Variants in SLC6A6 observed in about 807,000 individuals in gnomAD.
The protein encoded by SLC6A6 is solute carrier family 6 member 6, also known as sodium- and chloride-dependent taurine transporter.
A neutral mutation model predicts 68.8 loss-of-function variants in SLC6A6; 16 were observed. The ratio of observed to expected loss-of-function variants is 0.23; its 90% CI spans 0.16 to 0.35. The LOEUF (loss-of-function observed/expected upper bound fraction) is 0.35, where lower values mean the gene tolerates loss of function less well. Among genes scored for constraint, SLC6A6 ranks in the 10% least tolerant of loss-of-function variants. The pLI is 1.00. For missense variants in SLC6A6, 474 were observed against 802.8 expected, an observed-to-expected ratio of 0.59 and a Z score of 4.95; for synonymous variants, 312 against 315.4, an observed-to-expected ratio of 0.99 and a Z score of 0.12.
chr3:14,479,746 G>A (rs528801803), intron 13 of SLC6A6, among the ~76,000 whole-genome samples: 27 of 152,310 alleles, frequency 1.8e-4, no homozygotes, highest in South Asian at 1.5e-3. Context: ...TTCTTCCCAC[G>A]AGGATGCTCT....
chr3:14,421,108 T>C (rs1699476319), intron 2 of SLC6A6, among the ~76,000 whole-genome samples: 1 of 152,216 alleles, frequency 6.6e-6, no homozygotes, highest in African/African-American at 2.4e-5. Context: ...GGCATGGAGA[T>C]GGAGGGGTGG....
chr3:14,409,663 A>G lies in SLC6A6; in HGVS notation c.-53-6749A>G, dbSNP rs890110331. On this transcript the variant is annotated intron_variant, in intron 1 of 14. Transcript: ENST00000622186. Reference sequence around the variant, plus strand: ...GCTCAAGGAGGGAGGGGAGATCCCTATCAGGAGGAGGTTAGTGAACAGTCT... The same window carrying G: ...GCTCAAGGAGGGAGGGGAGATCCCTGTCAGGAGGAGGTTAGTGAACAGTCT... 3.3e-5 allele frequency among the ~76,000 whole-genome samples: 5 copies of G among 152,202 alleles called. No individual in the cohort carries two copies. In the East Asian group the frequency reaches 5.8e-4, roughly 18 times the overall value.
intron 3 of SLC6A6, among the ~76,000 whole-genome samples, chr3:14,445,158 C>T (rs1700085551): frequency 6.6e-6 from 1 of 151,944 alleles, no homozygotes; most frequent in South Asian, 2.1e-4. Context: ...CGCGGTGGCT[C>T]ACGCCTGTAA....
In SLC6A6 at chr3:14,409,592, C is replaced by T. The variant is rs549957878; in HGVS notation, c.-54+6745C>T. On this transcript the variant is annotated intron_variant, in intron 1 of 14. Coordinates refer to ENST00000622186, the MANE Select transcript of SLC6A6 (RefSeq NM_003043.6). The stretch of plus-strand genomic sequence containing the variant: ...TCATGAGTGCCTACTGTGTGCCAGG[C>T]ACAGGGCCAGGGCCAAGAGGGCAGG... Among the ~76,000 whole-genome samples, 41 of 152,380 alleles carry T rather than the reference C, an allele frequency of 2.7e-4. 1 individual carries two copies. The South Asian group carries it at 8.3e-3, about 31-fold the overall frequency.
intron 2 of SLC6A6, among the ~76,000 whole-genome samples, chr3:14,443,136 G>A (rs1032994049): frequency 6.6e-6 from 1 of 152,132 alleles, no homozygotes; most frequent in Non-Finnish European, 1.5e-5. Flanking sequence ...GCTGGGCACT[G>A]TATTAAGGCA....
rs762167686 is a variant in SLC6A6, at chr3:14,472,354, G to T, written c.1209+37G>T. ...GGATGGCCCTGGGGCGACTGCCCCTGTGGGGAACCTGACTCTGGGAAAGAC... is the reference window on the plus strand; with the variant it reads ...GGATGGCCCTGGGGCGACTGCCCCTTTGGGGAACCTGACTCTGGGAAAGAC... On this transcript the variant is annotated intron_variant, in intron 10 of 14. Coordinates refer to ENST00000622186, the MANE Select transcript of SLC6A6 (RefSeq NM_003043.6). The surrounding 1 kb of genome is among the most constrained non-coding windows in gnomAD (Gnocchi z 4.5). 1.5e-5 allele frequency: 19 copies of T among 1,273,016 alleles called. No individual in the cohort carries two copies. The South Asian group carries it at 1.8e-4, about 12-fold the overall frequency. 78.9% of individuals were successfully genotyped at this position (1,273,016 alleles called of 1,614,324 possible).
Position 14,479,201 on chromosome 3 carries a change from GTGGCTCTGGC to G in SLC6A6, c.1551+20_1551+29del. On this transcript the variant is annotated intron_variant, in intron 13 of 14. Transcript: ENST00000622186. ...TCTCTGTGTTGTGAGTTCCATTTCT[GTGGCTCTGGC>G]TGGTGGCCTCTTCTCCCTGGGGCTT... 1 of 1,530,052 alleles carries G rather than the reference GTGGCTCTGGC, an allele frequency of 6.5e-7. No homozygotes were observed. Among genetic ancestry groups the G allele is most frequent in the South Asian group, 1.1e-5 (1 of 89,484 alleles). The allele number at this position is 1,530,052 out of a possible 1,614,324, so 94.8% of individuals were successfully genotyped here. A position where few individuals can be genotyped will look rare whatever the true frequency, so the allele number is the denominator to read the frequency against.
intron 6 of SLC6A6, among the ~76,000 whole-genome samples, chr3:14,460,655 G>A (rs1485867862): frequency 1.3e-5 from 2 of 152,236 alleles, no homozygotes; most frequent in Non-Finnish European, 2.9e-5. Context: ...GCCAGAGAGA[G>A]GGTGCCAGGC....
intron 10 of SLC6A6, among the ~76,000 whole-genome samples, chr3:14,474,592 G>C (rs1167924873): frequency 6.6e-6 from 1 of 152,220 alleles, no homozygotes; most frequent in Non-Finnish European, 1.5e-5. Context: ...TTAAGCTGCA[G>C]TGTTGCAATG....
intron 2 of SLC6A6, among the ~76,000 whole-genome samples, chr3:14,433,040 G>A (rs1458669325): frequency 6.6e-6 from 1 of 152,000 alleles, no homozygotes; most frequent in African/African-American, 2.4e-5. Context: ...AATAATTTTT[G>A]TTTCTTTAAC....
chr3:14,411,427 A>G (rs1699250113), intron 1 of SLC6A6: 2 of 152,308 alleles, frequency 1.3e-5, no homozygotes, highest in African/African-American at 4.8e-5. Context: ...TCTGGGAAGC[A>G]TTCCTTGAGC....
chr3:14,429,318 T>G (rs1559290881), intron 2 of SLC6A6, among the ~76,000 whole-genome samples: 1 of 152,218 alleles, frequency 6.6e-6, no homozygotes, highest in Non-Finnish European at 1.5e-5. Context: ...GGCCAAGGTC[T>G]TCATCTGCCA....
At chr3:14,417,732 G>GAAAA (rs58223644) in intron 2 of SLC6A6, among the ~76,000 whole-genome samples, 1 of 105,896 alleles carries the variant, frequency 9.4e-6, no homozygotes, top group African/African-American at 3.1e-5. Flanking sequence ...ACTCCGTCTC[G>GAAAA]AAAAAAAAAA....
intron 14 of SLC6A6, 93 bp from the exon 15 acceptor site, chr3:14,484,774 C>A: frequency 7.4e-7 from 1 of 1,348,812 alleles, no homozygotes; most frequent in African/African-American, 1.4e-5. Flanking sequence ...CCAAACAGCA[C>A]ATGAGCCAAT....
chr3:14,416,480 G>C (rs141095812), intron 2 of SLC6A6, 27 bp downstream of exon 2: 189 of 398,698 alleles, frequency 4.7e-4, no homozygotes, highest in African/African-American at 3.6e-3. Context: ...CTCCAGGTGG[G>C]ATGGGTGTCT....
At chr3:14,420,367 C>A (rs1176387002) in intron 2 of SLC6A6, among the ~76,000 whole-genome samples, 2 of 152,204 alleles carry the variant, frequency 1.3e-5, no homozygotes, top group African/African-American at 4.8e-5. Context: ...GGATTTGGCC[C>A]AGTGGCCAGT....
At position 14,468,928 on chromosome 3, in the gene SLC6A6, A is replaced by C. The variant is rs1397428011; in HGVS notation, c.1096+716A>C. Among the ~76,000 whole-genome samples the C allele has an allele frequency of 6.6e-6, 1 of 152,094 alleles. No individual in the cohort carries two copies. The highest frequency in any genetic ancestry group is 1.5e-5 in the Non-Finnish European group (1 of 68,000). ...CTCTGCACAGACGGGGAACTTAGGA[A>C]TCTGGGATCCCAGAGTTCCAGCAAG... On this transcript the variant is annotated intron_variant, in intron 9 of 14. Coordinates refer to ENST00000622186, the MANE Select transcript of SLC6A6 (RefSeq NM_003043.6). The surrounding 1 kb of genome is among the most constrained non-coding windows in gnomAD (Gnocchi z 4.5).
At chr3:14,421,753 A>G (rs1295044350) in intron 2 of SLC6A6, among the ~76,000 whole-genome samples, 1 of 152,204 alleles carries the variant, frequency 6.6e-6, no homozygotes, top group Non-Finnish European at 1.5e-5. Flanking sequence ...ACTGGGGCTC[A>G]GGAAGGCAGT....
intron 1 of SLC6A6, among the ~76,000 whole-genome samples, chr3:14,412,238 C>T (rs1020163119): frequency 6.6e-6 from 1 of 152,044 alleles, no homozygotes; most frequent in Non-Finnish European, 1.5e-5. Context: ...GGAGGTGTCC[C>T]GATTTGGGGA....
Sources: gnomAD v4.1 joint callset for allele counts (sites outside exome capture counted in the v4.1 genomes callset) on GRCh38, gnomAD v4.1.1 for gene constraint, Gnocchi (gnomAD v3.1) non-coding constraint, MANE v1.5 for transcripts, NCBI Gene and HGNC (gene_info 2026-07-23, HGNC 2026-07-21) for gene names.